TSHZ3: variants seen among roughly 807,000 people sequenced by gnomAD.
TSHZ3 encodes teashirt zinc finger homeobox 3, also known as teashirt homolog 3.
In TSHZ3, 10 loss-of-function variants were observed where a neutral mutation model predicts 64.5. The observed-to-expected ratio is 0.16, with a 90% CI of 0.10 to 0.26. TSHZ3 has a LOEUF of 0.26. TSHZ3 is among the 10% of genes least tolerant of loss of function. The pLI, the probability that TSHZ3 is intolerant of heterozygous loss-of-function variation, is 1.00. For missense variants in TSHZ3, 1,242 were observed against 1,421.7 expected, an observed-to-expected ratio of 0.87 and a Z score of 2.03; for synonymous variants, 608 against 593.1, an observed-to-expected ratio of 1.03 and a Z score of -0.36.
intron 1 of TSHZ3, among the ~76,000 whole-genome samples, chr19:31,283,398 C>T (rs959470083): frequency 1.3e-5 from 2 of 152,176 alleles, no homozygotes; most frequent in African/African-American, 4.8e-5. Flanking sequence ...AATAATTTCA[C>T]TACTCTGAGA....
chr19:31,272,414 G>A (rs147729841), downstream of TSHZ3, among the ~76,000 whole-genome samples: 12 of 152,238 alleles, frequency 7.9e-5, no homozygotes, highest in East Asian at 1.2e-3. Context: ...CTGTCTGAGC[G>A]CAGGGCAGAG....
At chr19:31,274,731 C>T (rs1976196363), downstream of TSHZ3, among the ~76,000 whole-genome samples, 1 of 151,702 alleles carries the variant, frequency 6.6e-6, no homozygotes, top group Admixed American at 6.6e-5. Flanking sequence ...ATTCTCGGTG[C>T]AGATCCTATT....
At position 31,276,737 on chromosome 19, in the gene TSHZ3, G is replaced by A. The variant is rs368613700; in HGVS notation, c.3056C>T (p.Ala1019Val). The change falls in exon 2 of 2, where the codon GCA (alanine) becomes GTA (valine). Residue 1019 changes from alanine (A) to valine (V), a missense_variant. Ala to Val is a moderately conservative substitution (Grantham distance 64). Around this residue, in one of 4 missense-constraint regions of TSHZ3, gnomAD observed 126 missense variants for 140.6 expected, o/e 0.90. Coordinates refer to ENST00000240587, the MANE Select transcript of TSHZ3 (RefSeq NM_020856.4). ...LSTEQINSQI[A>V]QTKSPSEKMV... ...TTTTTCTGACGGTGACTTGGTTTGT[G>A]CTATCTGACTGTTAATCTGTTCGGT... 1.2e-5 allele frequency: 20 copies of A among 1,613,540 alleles called. No homozygotes were observed. Among genetic ancestry groups the A allele is most frequent in the Non-Finnish European group, 1.7e-5 (20 of 1,179,574 alleles).
chr19:31,246,518 G>A (rs1374608834), intron 1 of TSHZ3, among the ~76,000 whole-genome samples: 1 of 152,062 alleles, frequency 6.6e-6, no homozygotes, highest in Non-Finnish European at 1.5e-5. Flanking sequence ...GTATAAAATT[G>A]GAAAGGGGAG....
At position 31,277,881 on chromosome 19, in the gene TSHZ3, G is replaced by A. The variant is rs1285110303; in HGVS notation, c.1912C>T (p.Pro638Ser). The A allele has an allele frequency of 3.7e-6, 6 of 1,610,888 alleles. No homozygotes were observed. Among genetic ancestry groups the A allele is most frequent in the Non-Finnish European group, 5.1e-6 (6 of 1,178,586 alleles). The change falls in exon 2 of 2, where the codon CCC becomes TCC. Residue 638 changes from proline to serine, a missense_variant. Physicochemically the swap from Pro to Ser is moderately conservative, Grantham distance 74. Transcript: ENST00000240587. The surrounding 1 kb of genome is among the most constrained non-coding windows in gnomAD (Gnocchi z 4.5). ...MKEPDGKLSP[P>S]KRATPSPCSS... ...CATGGGGAGGGAGTGGCCCGCTTGG[G>A]CGGGGAAAGCTTCCCATCCGGCTCC...
chr19:31,349,134 G>A, intron 1 of TSHZ3, 46 bp downstream of exon 1: 1 of 1,533,376 alleles, frequency 6.5e-7, no homozygotes, highest in Non-Finnish European at 8.8e-7. Context: ...GGGGCGAGCG[G>A]AGGAAGAGGA....
chr19:31,199,400 C>CAAAAAAAAAA (rs61428496), intron 5 of TSHZ3, among the ~76,000 whole-genome samples: 4 of 98,580 alleles, frequency 4.1e-5, no homozygotes, highest in African/African-American at 7.9e-5. Flanking sequence ...GAGACTCCGC[C>CAAAAAAAAAA]AAAAAAAAAA....
chr19:31,327,640 G>A (rs532104491), intron 1 of TSHZ3, among the ~76,000 whole-genome samples: 1 of 152,124 alleles, frequency 6.6e-6, no homozygotes, highest in Non-Finnish European at 1.5e-5. Context: ...ATACATATAT[G>A]TACACACAAT....
intron 4 of TSHZ3, among the ~76,000 whole-genome samples, chr19:31,211,361 C>T (rs1288567782): frequency 6.6e-6 from 1 of 152,166 alleles, no homozygotes; most frequent in South Asian, 2.1e-4. Context: ...TTCCAGCCCT[C>T]AAGCAACTCA....
intron 1 of TSHZ3, among the ~76,000 whole-genome samples, chr19:31,329,424 G>C (rs1917013651): frequency 6.6e-6 from 1 of 152,204 alleles, no homozygotes; most frequent in South Asian, 2.1e-4. Flanking sequence ...AGTGGTATAA[G>C]GTCAGCCCTG....
chr19:31,162,070 G>A (rs2145104242), intron 5 of TSHZ3, among the ~76,000 whole-genome samples: 1 of 152,298 alleles, frequency 6.6e-6, no homozygotes, highest in South Asian at 2.1e-4. Flanking sequence ...ATCAGTGGCT[G>A]TGCTCATGCA....
chr19:31,279,716 A>T lies in TSHZ3; in HGVS notation c.77T>A (p.Val26Glu). ...CTCCTCTGGGTCTAAACCTTCGTCC[A>T]CCAGGGCAGCAGCCTTTAACTCTTC... is the stretch of plus-strand genomic sequence containing the variant. ...VSEELKAAAL[V>E]DEGLDPEEHT... Residue 26 changes from valine (V) to glutamate (E), a missense_variant, in exon 2 of 2, where the codon GTG (valine) becomes GAG (glutamate). Around this residue, in one of 4 missense-constraint regions of TSHZ3, gnomAD observed 555 missense variants for 704.0 expected, o/e 0.79. Coordinates refer to ENST00000240587, the MANE Select transcript of TSHZ3 (RefSeq NM_020856.4). The surrounding 1 kb of genome is among the most constrained non-coding windows in gnomAD (Gnocchi z 6.4). 1 of 1,525,844 alleles carries T rather than the reference A, an allele frequency of 6.6e-7. No homozygotes were observed. Among genetic ancestry groups the T allele is most frequent in the Non-Finnish European group, 8.8e-7 (1 of 1,136,410 alleles). 94.5% of individuals were successfully genotyped at this position (1,525,844 alleles called of 1,614,324 possible).
chr19:31,215,329 C>T (rs1353955376), intron 4 of TSHZ3, among the ~76,000 whole-genome samples: 2 of 152,176 alleles, frequency 1.3e-5, no homozygotes, highest in African/African-American at 4.8e-5. Context: ...TTAGAAGCAT[C>T]TGTCCACAGA....
intron 1 of TSHZ3, among the ~76,000 whole-genome samples, chr19:31,312,464 G>A (rs1343605390): frequency 1.3e-5 from 2 of 152,198 alleles, no homozygotes; most frequent in African/African-American, 2.4e-5. Context: ...ATCAGAGCAG[G>A]ACACTCCATT....
At chr19:31,220,114 T>A (rs890117004) in intron 4 of TSHZ3, among the ~76,000 whole-genome samples, 5 of 152,150 alleles carry the variant, frequency 3.3e-5, no homozygotes, top group Non-Finnish European at 5.9e-5. Flanking sequence ...CAACTGGATA[T>A]CTGTATGAAA....
At chr19:31,267,648 T>G (rs1461872158) in intron 1 of TSHZ3, among the ~76,000 whole-genome samples, 1 of 81,684 alleles carries the variant, frequency 1.2e-5, no homozygotes, top group Non-Finnish European at 2.1e-5. Flanking sequence ...AATAAGCCCA[T>G]TTTTTTTTTC....
intron 5 of TSHZ3, among the ~76,000 whole-genome samples, chr19:31,166,311 G>C (rs1974451349): frequency 6.6e-6 from 1 of 152,192 alleles, no homozygotes; most frequent in South Asian, 2.1e-4. Flanking sequence ...TATGAGATAA[G>C]TTCTTAAAGA....
chr19:31,273,458 C>G (rs1479864778), downstream of TSHZ3, among the ~76,000 whole-genome samples: 1 of 152,142 alleles, frequency 6.6e-6, no homozygotes, highest in Admixed American at 6.5e-5. Flanking sequence ...CAAAGTGTGT[C>G]GAGTCCTCCC....
intron 4 of TSHZ3, among the ~76,000 whole-genome samples, chr19:31,218,751 C>A (rs1975363534): frequency 6.6e-6 from 1 of 152,162 alleles, no homozygotes; most frequent in Non-Finnish European, 1.5e-5. Flanking sequence ...ATAAAAAAGG[C>A]CTGGAGAAAA....
Sources: gnomAD v4.1 joint callset for allele counts (sites outside exome capture counted in the v4.1 genomes callset) on GRCh38, gnomAD v4.1.1 for gene constraint, gnomAD v4.1.1 regional missense constraint, Gnocchi (gnomAD v3.1) non-coding constraint, MANE v1.5 for transcripts, NCBI Gene and HGNC (gene_info 2026-07-23, HGNC 2026-07-21) for gene names.